Variants in HERC1 observed in about 807,000 individuals in gnomAD.
The protein encoded by HERC1 is HECT and RLD domain containing E3 ubiquitin protein ligase family member 1, also known as probable E3 ubiquitin-protein ligase HERC1.
Under a neutral mutation model 554.3 loss-of-function variants are expected in HERC1, and 160 were observed. The observed-to-expected ratio is 0.29, with a 90% CI of 0.25 to 0.33. The LOEUF (loss-of-function observed/expected upper bound fraction) is 0.33. Ranked by LOEUF, HERC1 falls within the 10% of genes least tolerant of loss-of-function variation. HERC1 has a pLI of 1.00. For synonymous variants in HERC1, 2,175 were observed against 2,131.7 expected (o/e 1.02, Z -0.56); for missense variants, 4,919 against 5,918.5 (o/e 0.83, Z 5.54).
At position 63,663,165 on chromosome 15, in the gene HERC1, C is replaced by T. The variant is rs2070441273; in HGVS notation, c.8720G>A (p.Ser2907Asn). 1 of 1,614,038 alleles carries T rather than the reference C, an allele frequency of 6.2e-7. No individual in the cohort carries two copies. The highest frequency in any genetic ancestry group is 2.2e-5 in the East Asian group (1 of 44,892). ...CTGCAAAGATATTCCTTCTCTCCGACTTTGATTCCTGTGGGCCTGCACAGA... is the reference window on the plus strand; with the variant it reads ...CTGCAAAGATATTCCTTCTCTCCGATTTTGATTCCTGTGGGCCTGCACAGA... ...YRSVQAHRNQ[S>N]RREGISLQQD... The change falls in exon 44 of 78, where the codon AGT becomes AAT. Residue 2907 changes from serine (S) to asparagine (N), a missense_variant. Coordinates refer to ENST00000443617, the MANE Select transcript of HERC1 (RefSeq NM_003922.4).
chr15:63,787,518 G>C (rs78922900), intron 1 of HERC1, among the ~76,000 whole-genome samples: 3,144 of 152,186 alleles, frequency 0.021, 100 homozygotes, highest in African/African-American at 0.072. Context: ...AATGAACTGA[G>C]GGTATGTTAC....
chr15:63,790,551 C>G (rs1416860960), intron 1 of HERC1, among the ~76,000 whole-genome samples: 1 of 152,012 alleles, frequency 6.6e-6, no homozygotes, highest in African/African-American at 2.4e-5. Context: ...GCACTCCAGC[C>G]TGGGCGACAC....
chr15:63,698,848 A>C lies in HERC1; in HGVS notation c.4785T>G (p.Val1595=). Residue 1595 remains valine, a synonymous_variant, in exon 26 of 78, where the codon GTT becomes GTG. Transcript: ENST00000443617. Reference sequence around the variant, plus strand: ...CCACATCTCCACTCACAAAGCTTACAACATTTTCAATCAAAGTGTGAACTC... The same window carrying C: ...CCACATCTCCACTCACAAAGCTTACCACATTTTCAATCAAAGTGTGAACTC... The part of the protein sequence containing the change: ...SLGVHTLIEN[V]VSFVSGDVGN... 1.2e-6 allele frequency: 2 copies of C among 1,613,984 alleles called. No individual in the cohort carries two copies. The highest frequency in any genetic ancestry group is 8.5e-7 in the Non-Finnish European group (1 of 1,179,866).
intron 1 of HERC1, among the ~76,000 whole-genome samples, chr15:63,829,561 G>GTGTGTGTGTGTGTATATA (rs1220043639): frequency 2.4e-5 from 2 of 81,762 alleles, no homozygotes. Context: ...GTGTGTGTGT[G>GTGTGTGTGTGTGTATATA]TATATATATA....
In HERC1 at chr15:63,733,148, A is replaced by G. The variant is rs1322778658; in HGVS notation, c.2647-3T>C. ...AGGATGATATCCAGTTGCATTCTCT[A>G]AAGAACAATAAAATAGGAACAAGTA... On this transcript the variant is annotated splice_region_variant and splice_polypyrimidine_tract_variant and intron_variant, in intron 13 of 77. Transcript: ENST00000443617. The G allele has an allele frequency of 2.5e-6, 4 of 1,590,990 alleles. No homozygotes were observed. The highest frequency in any genetic ancestry group is 1.7e-4 in the Middle Eastern group (1 of 6,038).
At chr15:63,724,127 A>G (rs1044509056) in intron 18 of HERC1, among the ~76,000 whole-genome samples, 3 of 152,228 alleles carry the variant, frequency 2.0e-5, no homozygotes, top group Non-Finnish European at 4.4e-5. Flanking sequence ...AATAACATTA[A>G]ACAGAAATTG....
chr15:63,716,935 AC>A (rs2073582286), intron 21 of HERC1, among the ~76,000 whole-genome samples: 1 of 152,084 alleles, frequency 6.6e-6, no homozygotes, highest in South Asian at 2.1e-4. Context: ...TTTTTCTTTA[AC>A]TTTGCCCCTG....
chr15:63,634,577 A>G lies in HERC1; in HGVS notation c.12570+156T>C, dbSNP rs147735150. Among the ~76,000 whole-genome samples, 202 of 152,360 alleles carry G rather than the reference A, an allele frequency of 1.3e-3. 1 individual carries two copies. The highest frequency in any genetic ancestry group is 4.5e-3 in the African/African-American group (189 of 41,580). On this transcript the variant is annotated intron_variant, in intron 66 of 77. Coordinates refer to ENST00000443617, the MANE Select transcript of HERC1 (RefSeq NM_003922.4). The stretch of plus-strand genomic sequence containing the variant: ...AATTGACTTAAAATATGAATTTCAC[A>G]TTGGGAAACAGTTAAAATTATCAAT...
chr15:63,782,198 T>C (rs1052041755), intron 1 of HERC1, among the ~76,000 whole-genome samples: 2 of 152,204 alleles, frequency 1.3e-5, no homozygotes, highest in African/African-American at 4.8e-5. Flanking sequence ...AAAACAGCCT[T>C]CTATTGGAAG....
At chr15:63,815,545 C>T (rs1314743768) in intron 1 of HERC1, among the ~76,000 whole-genome samples, 2 of 152,200 alleles carry the variant, frequency 1.3e-5, no homozygotes, top group South Asian at 2.1e-4. Flanking sequence ...CCTTGCCTCT[C>T]TAAAAGTGTA....
Position 63,666,389 on chromosome 15 carries a change from G to A in HERC1, c.8290C>T (p.Leu2764Phe). ...AVPLLEMGFS[L>F]RQIAKAMEAT... ...TCCATGGCTTTGGCAATCTGCCGAA[G>A]AGAGAACCCCATTTCCAGCAAGGGA... The change falls in exon 41 of 78, where the codon CTT (leucine) becomes TTT (phenylalanine). Residue 2764 changes from leucine to phenylalanine, a missense_variant. This residue lies in a region of HERC1 where 1,963 missense variants were observed against 2,228.6 expected (regional missense o/e 0.88). Coordinates refer to ENST00000443617, the MANE Select transcript of HERC1 (RefSeq NM_003922.4). The A allele has an allele frequency of 6.2e-7, 1 of 1,613,702 alleles. No individual in the cohort carries two copies. Among genetic ancestry groups the A allele is most frequent in the Non-Finnish European group, 8.5e-7 (1 of 1,179,660 alleles).
At chr15:63,826,804 AAAAAAAAAAAATATAT>A (rs2077933023) in intron 1 of HERC1, among the ~76,000 whole-genome samples, 1 of 57,894 alleles carries the variant, frequency 1.7e-5, no homozygotes, top group Non-Finnish European at 3.6e-5. Flanking sequence ...AAAAAAAAAA[AAAAAAAAAAAATATAT>A]ATATATATAT....
chr15:63,755,579 G>A lies in HERC1; in HGVS notation c.1534-254C>T, dbSNP rs4984313. 0.51 allele frequency among the ~76,000 whole-genome samples: 77,274 copies of A among 151,944 alleles called. 20,587 individuals are homozygous for A. Among genetic ancestry groups the A allele is most frequent in the Non-Finnish European group, 0.55 (37,402 of 67,962 alleles). On this transcript the variant is annotated intron_variant, in intron 5 of 77. Coordinates refer to ENST00000443617, the MANE Select transcript of HERC1 (RefSeq NM_003922.4). ...AGATTGTTTGAGCTCAGGAGTTCGA[G>A]TTCAGCCTGGGCAACATGGCAAAAC...
intron 1 of HERC1, among the ~76,000 whole-genome samples, chr15:63,830,716 A>G (rs1328675125): frequency 1.3e-5 from 2 of 152,240 alleles, no homozygotes; most frequent in Non-Finnish European, 2.9e-5. Flanking sequence ...TAAGTCTAAC[A>G]TTATTTCTAA....
chr15:63,651,259 C>A lies in HERC1; in HGVS notation c.10540G>T (p.Val3514Phe), dbSNP rs1018688467. 1 of 1,613,794 alleles carries A rather than the reference C, an allele frequency of 6.2e-7. No homozygotes were observed. Among genetic ancestry groups the A allele is most frequent in the Non-Finnish European group, 8.5e-7 (1 of 1,179,808 alleles). The change falls in exon 53 of 78, where the codon GTT becomes TTT. Residue 3514 changes from valine to phenylalanine, a missense_variant. Physicochemically the swap from Val to Phe is conservative, Grantham distance 50 (BLOSUM62 -1). This residue lies in a region of HERC1 where 1,963 missense variants were observed against 2,228.6 expected (regional missense o/e 0.88). Transcript: ENST00000443617. ...GTGTTTACATGACTCTTACCATTAA[C>A]TTGCCAGATATTCACCATCTTTTCC... ...ALEKMVNIWQVNGGKGLVDIQ... is the reference protein window; with the variant it reads ...ALEKMVNIWQFNGGKGLVDIQ...
intron 24 of HERC1, among the ~76,000 whole-genome samples, chr15:63,711,611 T>C (rs1346528514): frequency 6.6e-6 from 1 of 152,266 alleles, no homozygotes; most frequent in Non-Finnish European, 1.5e-5. Flanking sequence ...TAGCACTTTA[T>C]ACTTTTTCAA....
chr15:63,642,640 T>C (rs1447189425), intron 59 of HERC1, among the ~76,000 whole-genome samples: 2 of 152,072 alleles, frequency 1.3e-5, no homozygotes, highest in Non-Finnish European at 2.9e-5. Context: ...CACCTGGCCT[T>C]GAGATAGTTT....
At chr15:63,788,577 C>T (rs2076528026) in intron 1 of HERC1, among the ~76,000 whole-genome samples, 1 of 152,116 alleles carries the variant, frequency 6.6e-6, no homozygotes, top group South Asian at 2.1e-4. Context: ...GTAATACTAC[C>T]ACAGTTGTGG....
chr15:63,792,883 T>G (rs1378473531), intron 1 of HERC1, among the ~76,000 whole-genome samples: 2 of 152,172 alleles, frequency 1.3e-5, no homozygotes, highest in African/African-American at 4.8e-5. Context: ...CCCAGGTTGT[T>G]TTATCTGTGC....
Sources: allele counts gnomAD v4.1 joint callset (sites outside exome capture counted in the v4.1 genomes callset), GRCh38; gene constraint gnomAD v4.1.1; regional missense constraint gnomAD v4.1.1; transcripts MANE v1.5; gene names NCBI Gene and HGNC (gene_info 2026-07-23, HGNC 2026-07-21).